Variants in VEGFC observed in about 807,000 individuals in gnomAD.
VEGFC encodes the protein FLT4 ligand DHM.
A neutral mutation model predicts 46.1 loss-of-function variants in VEGFC; 12 were observed. The ratio of observed to expected loss-of-function variants is 0.26; its 90% confidence interval spans 0.17 to 0.42. VEGFC has a LOEUF of 0.42. Ranked by LOEUF, VEGFC falls within the 10% of genes least tolerant of loss-of-function variation. The pLI is 1.00. For synonymous variants in VEGFC, 232 were observed against 195.5 expected (o/e 1.19, Z -1.56); for missense variants, 488 against 529.4 (o/e 0.92, Z 0.77).
chr4:176,699,735 G>C (rs1301119389), intron 4 of VEGFC, among the ~76,000 whole-genome samples: 2 of 152,200 alleles, frequency 1.3e-5, no homozygotes. Flanking sequence ...ATGGAAGGTG[G>C]TTAAGTAAAA....
At chr4:176,730,268 A>G (rs1734941598) in intron 1 of VEGFC, among the ~76,000 whole-genome samples, 1 of 152,186 alleles carries the variant, frequency 6.6e-6, no homozygotes, top group Non-Finnish European at 1.5e-5. Context: ...AGTAAGATTT[A>G]TATTTTGGCA....
At chr4:176,754,921 T>C (rs1263083167) in intron 1 of VEGFC, among the ~76,000 whole-genome samples, 1 of 152,078 alleles carries the variant, frequency 6.6e-6, no homozygotes, top group Non-Finnish European at 1.5e-5. Flanking sequence ...AATATAACTT[T>C]CTCAAATATA....
At chr4:176,685,523 A>T (rs1328293817) in intron 6 of VEGFC, among the ~76,000 whole-genome samples, 1 of 152,148 alleles carries the variant, frequency 6.6e-6, no homozygotes, top group Non-Finnish European at 1.5e-5. Context: ...TAGTATTAGG[A>T]GAAATGCAAT....
chr4:176,768,378 G>A (rs1011771029), intron 1 of VEGFC, among the ~76,000 whole-genome samples: 2 of 151,642 alleles, frequency 1.3e-5, no homozygotes, highest in African/African-American at 4.8e-5. Flanking sequence ...GTAGCCAGCA[G>A]TGGAGAATGG....
chr4:176,685,837 A>G (rs937720852), intron 6 of VEGFC, among the ~76,000 whole-genome samples: 2 of 152,208 alleles, frequency 1.3e-5, no homozygotes, highest in Non-Finnish European at 2.9e-5. Context: ...AATATAATCA[A>G]TGAGATAGCC....
chr4:176,740,403 T>TATATTCTATATAGAG, intron 1 of VEGFC, among the ~76,000 whole-genome samples: 4 of 113,242 alleles, frequency 3.5e-5, no homozygotes, highest in African/African-American at 1.5e-4. Flanking sequence ...TATTTATATA[T>TATATTCTATATAGAG]AGTTATATAT....
At chr4:176,751,797 G>A (rs1735346413) in intron 1 of VEGFC, among the ~76,000 whole-genome samples, 1 of 151,824 alleles carries the variant, frequency 6.6e-6, no homozygotes, top group South Asian at 2.1e-4. Flanking sequence ...GGAGGAAGGG[G>A]AATGAGATTT....
intron 6 of VEGFC, among the ~76,000 whole-genome samples, chr4:176,684,761 T>C (rs890416573): frequency 6.6e-5 from 10 of 152,228 alleles, no homozygotes; most frequent in Admixed American, 2.6e-4. Context: ...AGTCTTGTTC[T>C]GTCGCCCAGG....
intron 1 of VEGFC, among the ~76,000 whole-genome samples, chr4:176,783,406 A>G (rs1009918589): frequency 3.9e-5 from 6 of 152,210 alleles, no homozygotes; most frequent in Admixed American, 1.3e-4. Flanking sequence ...TTTAGAATGC[A>G]TATTTATTTT....
intron 1 of VEGFC, among the ~76,000 whole-genome samples, chr4:176,746,045 T>G (rs1234724506): frequency 6.6e-6 from 1 of 152,042 alleles, no homozygotes; most frequent in African/African-American, 2.4e-5. Context: ...CCAAGAAAGA[T>G]ACCAGGCCAG....
At chr4:176,691,997 T>G (rs57071704) in intron 4 of VEGFC, among the ~76,000 whole-genome samples, 36,224 of 151,584 alleles carry the variant, frequency 0.24, 7,325 homozygotes, top group African/African-American at 0.56. Flanking sequence ...GAAGCACAAG[T>G]GGTCAGGGAG....
chr4:176,784,067 T>TG lies in VEGFC; in HGVS notation c.147+8097_147+8098insC, dbSNP rs1553998069. Among the ~76,000 whole-genome samples the TG allele has an allele frequency of 4.4e-4, 62 of 141,874 alleles. 1 individual carries two copies. Among genetic ancestry groups the TG allele is most frequent in the African/African-American group, 1.5e-3 (60 of 39,900 alleles). 93.1% of individuals were successfully genotyped at this position (141,874 alleles called of 152,430 possible). On this transcript the variant is annotated intron_variant, in intron 1 of 6. Coordinates refer to ENST00000618562, the MANE Select transcript of VEGFC (RefSeq NM_005429.5). ...CTTTATATGTATGCACATGCTGTTT[T>TG]TTTTTTTTTTTTTTTGAAACAGAGT...
chr4:176,729,501 G>A (rs1355909047), intron 2 of VEGFC, 32 bp downstream of exon 2: 1 of 1,586,712 alleles, frequency 6.3e-7, no homozygotes, highest in Non-Finnish European at 8.6e-7. Flanking sequence ...TGATATATAA[G>A]GCTTACTATA....
At chr4:176,775,413 A>G (rs1299577609) in intron 1 of VEGFC, among the ~76,000 whole-genome samples, 1 of 152,206 alleles carries the variant, frequency 6.6e-6, no homozygotes, top group Non-Finnish European at 1.5e-5. Context: ...GAGCTTGAGT[A>G]TATTTAAAAT....
At chr4:176,711,684 T>C (rs1038739455) in intron 3 of VEGFC, 34 bp from the exon 4 acceptor site, 2 of 1,608,122 alleles carry the variant, frequency 1.2e-6, no homozygotes, top group African/African-American at 2.7e-5. Flanking sequence ...GAAAAAATTA[T>C]ATAGATGCTG....
In VEGFC at chr4:176,792,090, C is replaced by G; in HGVS notation, c.147+75G>C. The G allele has an allele frequency of 7.1e-7, 1 of 1,400,274 alleles. No individual in the cohort carries two copies. The highest frequency in any genetic ancestry group is 2.8e-5 in the East Asian group (1 of 35,758). The allele number at this position is 1,400,274 out of a possible 1,614,324, so 86.7% of individuals were successfully genotyped here. A position where few individuals can be genotyped will look rare whatever the true frequency, so the allele number is the denominator to read the frequency against. On this transcript the variant is annotated intron_variant, in intron 1 of 6. Transcript: ENST00000618562. The surrounding 1 kb of genome is among the most constrained non-coding windows in gnomAD (Gnocchi z 6.3). ...AGCTTAAAGCACACACACTTTCCCC[C>G]GCGCAGGTTCTCGGGTCCGCCGCAG...
intron 1 of VEGFC, among the ~76,000 whole-genome samples, chr4:176,756,538 T>C (rs909389305): frequency 1.3e-5 from 2 of 151,928 alleles, no homozygotes; most frequent in Non-Finnish European, 2.9e-5. Flanking sequence ...TTGAAAAGAA[T>C]GTGCTTACAT....
chr4:176,738,649 T>C (rs1375009573), intron 1 of VEGFC, among the ~76,000 whole-genome samples: 4 of 151,986 alleles, frequency 2.6e-5, no homozygotes, highest in African/African-American at 7.2e-5. Flanking sequence ...TAGGCAAAGA[T>C]TTCATGACGA....
intron 1 of VEGFC, among the ~76,000 whole-genome samples, chr4:176,740,119 T>TAA (rs1395374319): frequency 9.5e-5 from 12 of 126,890 alleles, no homozygotes; most frequent in East Asian, 2.3e-4. Flanking sequence ...ATATATATAT[T>TAA]CTATATATAG....
Sources: allele counts gnomAD v4.1 joint callset (sites outside exome capture counted in the v4.1 genomes callset), GRCh38; gene constraint gnomAD v4.1.1; non-coding constraint Gnocchi (gnomAD v3.1); transcripts MANE v1.5; gene names NCBI Gene and HGNC (gene_info 2026-07-23, HGNC 2026-07-21).